MPZL3: variants seen among roughly 807,000 people sequenced by gnomAD.
The protein encoded by MPZL3 is myelin protein zero like 3.
Under a neutral mutation model 24.8 loss-of-function variants are expected in MPZL3, and 23 were observed. That is an observed-to-expected ratio of 0.93 (90% CI 0.67 to 1.31). The LOEUF is 1.31. Ranked by LOEUF, MPZL3 falls within the 40% of genes most tolerant of loss-of-function variation. MPZL3 has a pLI of 0.00. For synonymous variants in MPZL3, 99 were observed against 106.5 expected (o/e 0.93, Z 0.44); for missense variants, 277 against 294.9 (o/e 0.94, Z 0.44).
rs1363570602 is a variant in MPZL3, at chr11:118,246,414, C to T, written c.73+5808G>A. ...TGTTGCCAGCTCAACATCCATTTCC[C>T]CTGATCTCCTAATAATACCCTTTTT... On this transcript the variant is annotated intron_variant, in intron 1 of 5. Coordinates refer to ENST00000278949, the MANE Select transcript of MPZL3 (RefSeq NM_198275.3). Among the ~76,000 whole-genome samples the T allele has an allele frequency of 9.5e-5, 14 of 147,104 alleles. No homozygotes were observed. The Admixed American group carries it at 9.5e-4, about 10-fold the overall frequency.
At chr11:118,235,083 C>T (rs771780656) in intron 4 of MPZL3, among the ~76,000 whole-genome samples, 17 of 152,120 alleles carry the variant, frequency 1.1e-4, no homozygotes, top group Non-Finnish European at 2.4e-4. Flanking sequence ...ATCATCAGCT[C>T]AGTGCCAAAT....
At chr11:118,236,900 T>C (rs914495607) in intron 3 of MPZL3, 150 bp downstream of exon 3, 1 of 618,406 alleles carries the variant, frequency 1.6e-6, no homozygotes, top group East Asian at 2.8e-5. Flanking sequence ...AACATACATA[T>C]TGGGATGGCA....
rs2134687070 is a variant in MPZL3 at position 118,227,209 on chromosome 11, A to C, written c.*2685T>G. 1 of 152,370 alleles carries C rather than the reference A, an allele frequency of 6.6e-6. No homozygotes were observed. Among genetic ancestry groups the C allele is most frequent in the South Asian group, 2.1e-4 (1 of 4,830 alleles). 9.4% of individuals were successfully genotyped at this position (152,370 alleles called of 1,614,324 possible). On this transcript the variant is annotated 3_prime_UTR_variant, in exon 6 of 6. Transcript: ENST00000278949. Reference sequence around the variant, plus strand: ...TAATGCATAAAACTTAAAGTCATGTAACCACATGTAAAAACTTCAGCAGCT... The same window carrying C: ...TAATGCATAAAACTTAAAGTCATGTCACCACATGTAAAAACTTCAGCAGCT...
At chr11:118,240,086 C>T (rs113469800) in intron 2 of MPZL3, 125 bp downstream of exon 2, 5 of 908,284 alleles carry the variant, frequency 5.5e-6, no homozygotes, top group African/African-American at 1.8e-5. Context: ...GTTCATCTAT[C>T]TCTATTAAAG....
rs1793156 is a variant in MPZL3, at chr11:118,228,175, T to A, written c.*1719A>T. ...TGTGGACTAGGTTAACAGAAGAGGC[T>A]AGGCCAAATCTATGATACGGATCTA... On this transcript the variant is annotated 3_prime_UTR_variant, in exon 6 of 6. Coordinates refer to ENST00000278949, the MANE Select transcript of MPZL3 (RefSeq NM_198275.3). The A allele has an allele frequency of 6.6e-6, 1 of 151,786 alleles. No individual in the cohort carries two copies. Among genetic ancestry groups the A allele is most frequent in the African/African-American group, 2.4e-5 (1 of 41,254 alleles). The allele number at this position is 151,786 out of a possible 1,614,324, so 9.4% of individuals were successfully genotyped here.
intron 2 of MPZL3, among the ~76,000 whole-genome samples, chr11:118,238,288 T>C (rs140437231): frequency 6.6e-6 from 1 of 152,358 alleles, no homozygotes; most frequent in Non-Finnish European, 1.5e-5. Flanking sequence ...TCAGCCTCTC[T>C]CAAGTTATCT....
chr11:118,252,355 A>G lies in MPZL3; in HGVS notation c.-61T>C. ...ACAGCTCCCGGTAACGACACAGGTA[A>G]CACCGGAAGTGACGTCAGAGCAGGA... On this transcript the variant is annotated 5_prime_UTR_variant, in exon 1 of 6. Coordinates refer to ENST00000278949, the MANE Select transcript of MPZL3 (RefSeq NM_198275.3). 1 of 1,535,154 alleles carries G rather than the reference A, an allele frequency of 6.5e-7. No homozygotes were observed. Among genetic ancestry groups the G allele is most frequent in the Non-Finnish European group, 9.0e-7 (1 of 1,112,190 alleles).
At chr11:118,242,069 G>A (rs1949505360) in intron 1 of MPZL3, among the ~76,000 whole-genome samples, 1 of 150,382 alleles carries the variant, frequency 6.6e-6, no homozygotes, top group Non-Finnish European at 1.5e-5. Context: ...GGAAATGAAT[G>A]GACAATCTAC....
chr11:118,246,776 G>C (rs574166531), intron 1 of MPZL3, among the ~76,000 whole-genome samples: 8 of 151,782 alleles, frequency 5.3e-5, no homozygotes, highest in East Asian at 3.9e-4. Context: ...GGTAGAGACG[G>C]GGTTTCCCTA....
intron 1 of MPZL3, among the ~76,000 whole-genome samples, chr11:118,244,881 C>A (rs1715417): frequency 0.09 from 13,711 of 152,108 alleles, 2,058 homozygotes; most frequent in African/African-American, 0.31. Context: ...TCGAGACCAT[C>A]CTGGCTAACA....
intron 4 of MPZL3, among the ~76,000 whole-genome samples, chr11:118,233,921 A>C (rs984253523): frequency 6.6e-6 from 1 of 152,174 alleles, no homozygotes; most frequent in African/African-American, 2.4e-5. Flanking sequence ...TGAACTCAGA[A>C]GGCAGAGGTT....
At chr11:118,241,085 T>TA (rs1312402355) in intron 1 of MPZL3, among the ~76,000 whole-genome samples, 2 of 152,200 alleles carry the variant, frequency 1.3e-5, no homozygotes, top group Non-Finnish European at 2.9e-5. Context: ...ACTAGAGACT[T>TA]ACGTCTTCCA....
At chr11:118,237,876 C>T (rs1369037384) in intron 2 of MPZL3, among the ~76,000 whole-genome samples, 1 of 152,180 alleles carries the variant, frequency 6.6e-6, no homozygotes, top group African/African-American at 2.4e-5. Flanking sequence ...GTGGCTCACG[C>T]CTGTAATCCC....
At chr11:118,231,716 C>T (rs981142320) in intron 5 of MPZL3, among the ~76,000 whole-genome samples, 2 of 152,162 alleles carry the variant, frequency 1.3e-5, no homozygotes, top group African/African-American at 2.4e-5. Flanking sequence ...CTTGGAACTA[C>T]CCTTGAGTCC....
rs1465068450 is a variant in MPZL3 at position 118,226,980 on chromosome 11, A to T, written c.*2914T>A. On this transcript the variant is annotated 3_prime_UTR_variant, in exon 6 of 6. Coordinates refer to ENST00000278949, the MANE Select transcript of MPZL3 (RefSeq NM_198275.3). ...AACCATAACTGAGTGACTTAGTAGAACATTCATATTCAGGATGTGGCCTCC... is the reference window on the plus strand; with the variant it reads ...AACCATAACTGAGTGACTTAGTAGATCATTCATATTCAGGATGTGGCCTCC... 6.6e-6 allele frequency: 1 copy of T among 152,230 alleles called. No homozygotes were observed. Among genetic ancestry groups the T allele is most frequent in the African/African-American group, 2.4e-5 (1 of 41,448 alleles). The allele number at this position is 152,230 out of a possible 1,614,324, so 9.4% of individuals were successfully genotyped here.
chr11:118,237,342 T>C, intron 2 of MPZL3, 82 bp from the exon 3 acceptor site: 1 of 1,242,568 alleles, frequency 8.0e-7, no homozygotes, highest in Non-Finnish European at 1.2e-6. Context: ...CAAAATAAAA[T>C]ACAACTGTAT....
Position 118,236,541 on chromosome 11 carries a change from G to GA in MPZL3, c.451+508dup, listed in dbSNP as rs555167766. Among the ~76,000 whole-genome samples the GA allele has an allele frequency of 1.6e-3, 244 of 151,230 alleles. 1 individual carries two copies. The highest frequency in any genetic ancestry group is 2.9e-3 in the Non-Finnish European group (195 of 67,720). On this transcript the variant is annotated intron_variant, in intron 3 of 5. Coordinates refer to ENST00000278949, the MANE Select transcript of MPZL3 (RefSeq NM_198275.3). Reference sequence around the variant, plus strand: ...TTAATCGTCATCAGGGAATAACATAGAAAAAAAAATCAGTCCTTAATCTAC... The same window carrying GA: ...TTAATCGTCATCAGGGAATAACATAGAAAAAAAAAATCAGTCCTTAATCTAC...
chr11:118,237,531 A>T (rs1009092421), intron 2 of MPZL3, among the ~76,000 whole-genome samples: 3 of 152,068 alleles, frequency 2.0e-5, no homozygotes, highest in Admixed American at 1.3e-4. Flanking sequence ...AGGCAATTTC[A>T]CCCTCCAAGA....
intron 1 of MPZL3, among the ~76,000 whole-genome samples, chr11:118,240,630 C>T (rs1190849974): frequency 6.6e-6 from 1 of 152,072 alleles, no homozygotes; most frequent in African/African-American, 2.4e-5. Context: ...GTCACACCAG[C>T]GTTTTCCCGA....
Sources: allele counts gnomAD v4.1 joint callset (sites outside exome capture counted in the v4.1 genomes callset), GRCh38; gene constraint gnomAD v4.1.1; transcripts MANE v1.5; gene names NCBI Gene and HGNC (gene_info 2026-07-23, HGNC 2026-07-21).